Variants in GULP1 observed in about 807,000 individuals in gnomAD.
The protein encoded by GULP1 is PTB domain-containing engulfment adapter protein 1.
In GULP1, 19 loss-of-function variants were observed where a neutral mutation model predicts 40.9. That is an observed-to-expected ratio of 0.46 (90% CI 0.32 to 0.68). The LOEUF (loss-of-function observed/expected upper bound fraction) is 0.68, where lower values mean the gene tolerates loss of function less well. Among genes scored for constraint, GULP1 ranks in the 30% least tolerant of loss-of-function variants. GULP1 has a pLI of 0.03. For missense variants in GULP1, 312 were observed against 362.2 expected, an observed-to-expected ratio of 0.86 and a Z score of 1.12; for synonymous variants, 119 against 117.6, an observed-to-expected ratio of 1.01 and a Z score of -0.08.
At chr2:188,520,590 C>T (rs911220999) in intron 4 of GULP1, among the ~76,000 whole-genome samples, 6 of 151,024 alleles carry the variant, frequency 4.0e-5, no homozygotes, top group Admixed American at 3.3e-4. Flanking sequence ...TGAAACTTCT[C>T]TTTGCCTCAG....
chr2:188,569,733 T>A, intron 8 of GULP1: 1 of 352,620 alleles, frequency 2.8e-6, no homozygotes. Flanking sequence ...AGTTTCACTG[T>A]CTTGTGGTTA....
intron 1 of GULP1, among the ~76,000 whole-genome samples, chr2:188,312,709 G>A (rs559716996): frequency 2.0e-5 from 3 of 152,196 alleles, no homozygotes; most frequent in African/African-American, 7.2e-5. Flanking sequence ...CTAGATCCTT[G>A]AGGAATCGCC....
At chr2:188,409,676 T>C (rs1036857828) in intron 2 of GULP1, among the ~76,000 whole-genome samples, 8 of 152,114 alleles carry the variant, frequency 5.3e-5, no homozygotes, top group Non-Finnish European at 7.4e-5. Context: ...TACAGGCCAA[T>C]ATCCCTGATG....
intron 1 of GULP1, among the ~76,000 whole-genome samples, chr2:188,354,318 TC>T (rs1351275609): frequency 6.6e-6 from 1 of 152,054 alleles, no homozygotes; most frequent in Non-Finnish European, 1.5e-5. Flanking sequence ...ACTCCCTAGG[TC>T]CAAACTTTCA....
At chr2:188,573,338 AAT>A (rs1699492396) in intron 9 of GULP1, among the ~76,000 whole-genome samples, 1 of 152,220 alleles carries the variant, frequency 6.6e-6, no homozygotes, top group Non-Finnish European at 1.5e-5. Flanking sequence ...ATAAAACAAA[AAT>A]AGTTACCTGC....
At chr2:188,293,901 G>A (rs2105841187) in intron 1 of GULP1, 1 of 152,360 alleles carries the variant, frequency 6.6e-6, no homozygotes, top group African/African-American at 2.4e-5. Context: ...TGCACTTGGG[G>A]TTTAAACAAG....
chr2:188,306,947 C>G (rs1346326140), intron 1 of GULP1, among the ~76,000 whole-genome samples: 5 of 152,068 alleles, frequency 3.3e-5, no homozygotes, highest in African/African-American at 1.2e-4. Flanking sequence ...TGATGACTAT[C>G]AATAATTGTG....
At chr2:188,365,978 T>C (rs1422675578) in intron 1 of GULP1, among the ~76,000 whole-genome samples, 1 of 152,090 alleles carries the variant, frequency 6.6e-6, no homozygotes, top group African/African-American at 2.4e-5. Flanking sequence ...CAGGGCCAGA[T>C]AAAATGATGA....
At chr2:188,499,008 C>A (rs1184467671) in intron 4 of GULP1, among the ~76,000 whole-genome samples, 1 of 150,638 alleles carries the variant, frequency 6.6e-6, no homozygotes, top group Non-Finnish European at 1.5e-5. Context: ...TTTCCAGTTT[C>A]TCTTTTATCC....
chr2:188,443,190 G>T, intron 2 of GULP1, among the ~76,000 whole-genome samples: 1 of 152,194 alleles, frequency 6.6e-6, no homozygotes, highest in Non-Finnish European at 1.5e-5. Flanking sequence ...AGCGGGCTGT[G>T]GGGGTGGGGG....
At chr2:188,457,687 T>G (rs2059378656) in intron 2 of GULP1, among the ~76,000 whole-genome samples, 2 of 152,172 alleles carry the variant, frequency 1.3e-5, no homozygotes, top group African/African-American at 4.8e-5. Flanking sequence ...AAGGTAAATT[T>G]TGTTTCAATA....
chr2:188,453,707 A>G (rs2059022105), intron 2 of GULP1, among the ~76,000 whole-genome samples: 1 of 152,228 alleles, frequency 6.6e-6, no homozygotes, highest in South Asian at 2.1e-4. Context: ...TAACTTGCTC[A>G]AAAGAAAGGA....
At chr2:188,387,321 G>A (rs1452092578) in intron 2 of GULP1, among the ~76,000 whole-genome samples, 4 of 151,904 alleles carry the variant, frequency 2.6e-5, no homozygotes, top group African/African-American at 7.3e-5. Flanking sequence ...ATAATATCAA[G>A]TATACATTTA....
chr2:188,409,310 A>G (rs1194050075), intron 2 of GULP1, among the ~76,000 whole-genome samples: 1 of 152,204 alleles, frequency 6.6e-6, no homozygotes, highest in Middle Eastern at 3.2e-3. Context: ...AAGGATCATG[A>G]AAGACTGCTA....
chr2:188,484,173 G>A (rs1305120480), intron 4 of GULP1, among the ~76,000 whole-genome samples: 3 of 152,096 alleles, frequency 2.0e-5, no homozygotes, highest in African/African-American at 7.2e-5. Context: ...CCCCCAAAGT[G>A]CTGGGATTAC....
intron 1 of GULP1, among the ~76,000 whole-genome samples, chr2:188,349,021 A>G (rs2152274658): frequency 6.6e-6 from 1 of 152,356 alleles, no homozygotes; most frequent in South Asian, 2.1e-4. Flanking sequence ...ACTCATTCAC[A>G]TTTCATCTTA....
At chr2:188,306,459 G>A (rs1368240573) in intron 1 of GULP1, among the ~76,000 whole-genome samples, 3 of 152,060 alleles carry the variant, frequency 2.0e-5, no homozygotes, top group African/African-American at 7.2e-5. Context: ...TTTGTTGCTG[G>A]GGTATTATAA....
At chr2:188,517,563 T>C (rs1484721600) in intron 4 of GULP1, among the ~76,000 whole-genome samples, 1 of 152,194 alleles carries the variant, frequency 6.6e-6, no homozygotes, top group African/African-American at 2.4e-5. Flanking sequence ...TATATTCACA[T>C]ACTTGCTGTG....
intron 2 of GULP1, among the ~76,000 whole-genome samples, chr2:188,384,783 C>G (rs1318025845): frequency 6.6e-6 from 1 of 152,194 alleles, no homozygotes; most frequent in Non-Finnish European, 1.5e-5. Flanking sequence ...GCTACAGGCC[C>G]CACGCTGTTC....
Sources: gnomAD v4.1 joint callset for allele counts (sites outside exome capture counted in the v4.1 genomes callset) on GRCh38, gnomAD v4.1.1 for gene constraint, MANE v1.5 for transcripts, NCBI Gene and HGNC (gene_info 2026-07-23, HGNC 2026-07-21) for gene names.